ATL2: variants seen among roughly 807,000 people sequenced by gnomAD.
ATL2 encodes atlastin-2.
In ATL2, 31 loss-of-function variants were observed where a neutral mutation model predicts 73.9. That is an observed-to-expected ratio of 0.42 (90% confidence interval 0.32 to 0.57). The LOEUF (loss-of-function observed/expected upper bound fraction) is 0.57, where lower values mean the gene tolerates loss of function less well. ATL2 is among the 20% of genes least tolerant of loss of function. The pLI is 0.14. For missense variants in ATL2, 738 were observed against 702.6 expected, an observed-to-expected ratio of 1.05 and a Z score of -0.57; for synonymous variants, 291 against 237.5, an observed-to-expected ratio of 1.23 and a Z score of -2.07.
intron 9 of ATL2, among the ~76,000 whole-genome samples, 153 bp downstream of exon 9, chr2:38,309,226 A>C (rs1230069835): frequency 6.6e-6 from 1 of 152,176 alleles, no homozygotes; most frequent in African/African-American, 2.4e-5. Context: ...ATATCCTTAA[A>C]TACAGATACA....
intron 2 of ATL2, among the ~76,000 whole-genome samples, chr2:38,324,229 G>C (rs1258132495): frequency 5.9e-5 from 9 of 152,190 alleles, no homozygotes; most frequent in Admixed American, 5.9e-4. Flanking sequence ...GATGAGCCAA[G>C]ATCGCGCCAT....
At chr2:38,376,799 G>A (rs967209249) in intron 1 of ATL2, among the ~76,000 whole-genome samples, 64 of 151,810 alleles carry the variant, frequency 4.2e-4, no homozygotes, top group African/African-American at 1.5e-3. Context: ...CGCGCCCCGG[G>A]CAGGCGGCCA....
chr2:38,299,817 A>C (rs878904967), intron 10 of ATL2, among the ~76,000 whole-genome samples: 2 of 152,248 alleles, frequency 1.3e-5, no homozygotes, highest in Non-Finnish European at 1.5e-5. Flanking sequence ...GGGTAAAATG[A>C]CACTGTCCCA....
Position 38,377,222 on chromosome 2 carries a change from C to G in ATL2, c.39G>C (p.Pro13=). ...EGDEAARGQQ[P]HQGLWRRRRT... ...GTCGCCGGCGCCACAGCCCCTGGTG[C>G]GGTTGCTGCCCTCGCGCTGCCTCGT... The change falls in exon 1 of 13, where the codon CCG becomes CCC. Residue 13 remains proline, a synonymous_variant. Coordinates refer to ENST00000378954, the MANE Select transcript of ATL2 (RefSeq NM_001135673.4). 1 of 1,606,110 alleles carries G rather than the reference C, an allele frequency of 6.2e-7. No individual in the cohort carries two copies. The highest frequency in any genetic ancestry group is 8.5e-7 in the Non-Finnish European group (1 of 1,177,124).
chr2:38,322,099 A>C (rs1449877563), intron 2 of ATL2, among the ~76,000 whole-genome samples: 4 of 152,104 alleles, frequency 2.6e-5, no homozygotes, highest in Non-Finnish European at 5.9e-5. Context: ...AAAGGCTACA[A>C]ACAATCATCT....
At chr2:38,323,717 GAGAC>G (rs1045936356) in intron 2 of ATL2, among the ~76,000 whole-genome samples, 5 of 152,058 alleles carry the variant, frequency 3.3e-5, no homozygotes, top group Admixed American at 1.3e-4. Flanking sequence ...GAAAGAAAAC[GAGAC>G]AGACAGACAC....
At chr2:38,348,732 G>A (rs1266460080) in intron 1 of ATL2, among the ~76,000 whole-genome samples, 1 of 151,204 alleles carries the variant, frequency 6.6e-6, no homozygotes, top group Non-Finnish European at 1.5e-5. Context: ...AGAGTGAACA[G>A]GCAACCTACA....
At chr2:38,341,453 A>G (rs923966530) in intron 2 of ATL2, among the ~76,000 whole-genome samples, 1 of 152,134 alleles carries the variant, frequency 6.6e-6, no homozygotes, top group African/African-American at 2.4e-5. Context: ...CCTGGACAAC[A>G]TAGTGAGAAC....
chr2:38,375,797 T>C (rs1671927319), intron 1 of ATL2, among the ~76,000 whole-genome samples: 1 of 152,230 alleles, frequency 6.6e-6, no homozygotes, highest in African/African-American at 2.4e-5. Context: ...AGTTTTTTAT[T>C]CTACAGAGTG....
At chr2:38,372,306 G>A (rs1671736641) in intron 1 of ATL2, among the ~76,000 whole-genome samples, 1 of 151,998 alleles carries the variant, frequency 6.6e-6, no homozygotes, top group African/African-American at 2.4e-5. Context: ...TACTGAACAT[G>A]TACAATTTTT....
At chr2:38,368,581 C>T (rs1382296755) in intron 1 of ATL2, among the ~76,000 whole-genome samples, 3 of 152,158 alleles carry the variant, frequency 2.0e-5, no homozygotes, top group Non-Finnish European at 2.9e-5. Flanking sequence ...ACTCCAATAG[C>T]ATGCCTAAAG....
At chr2:38,331,756 TC>T (rs1180986814) in intron 2 of ATL2, among the ~76,000 whole-genome samples, 1 of 152,006 alleles carries the variant, frequency 6.6e-6, no homozygotes, top group Non-Finnish European at 1.5e-5. Flanking sequence ...GAAAAGTCTT[TC>T]CAAAAATGGT....
chr2:38,318,411 A>G, intron 4 of ATL2, 124 bp downstream of exon 4: 1 of 592,772 alleles, frequency 1.7e-6, no homozygotes, highest in Non-Finnish European at 2.8e-6. Context: ...GGTTGCAGTG[A>G]GCCGAGATCA....
intron 9 of ATL2, among the ~76,000 whole-genome samples, chr2:38,303,208 TTTA>T (rs1308479403): frequency 6.6e-6 from 1 of 152,068 alleles, no homozygotes; most frequent in South Asian, 2.1e-4. Flanking sequence ...AAACCTCTTT[TTTA>T]TTTTATTTTT....
chr2:38,351,718 G>C (rs116239238), intron 1 of ATL2, among the ~76,000 whole-genome samples: 18,305 of 151,850 alleles, frequency 0.12, 3,253 homozygotes, highest in African/African-American at 0.39. Context: ...GTCTCAGACT[G>C]CTGACCTCAG....
intron 2 of ATL2, among the ~76,000 whole-genome samples, chr2:38,323,349 G>GTTTT (rs1229668962): frequency 2.0e-4 from 15 of 75,244 alleles, no homozygotes; most frequent in South Asian, 5.8e-4. Context: ...ATCACCAGAA[G>GTTTT]TTTTTTTTTT....
chr2:38,348,571 C>T (rs914554776), intron 1 of ATL2, among the ~76,000 whole-genome samples: 1 of 151,300 alleles, frequency 6.6e-6, no homozygotes, highest in African/African-American at 2.4e-5. Context: ...GGTGATTTTG[C>T]TAAAACAAAC....
intron 9 of ATL2, among the ~76,000 whole-genome samples, chr2:38,305,342 G>A: frequency 6.6e-6 from 1 of 152,192 alleles, no homozygotes. Flanking sequence ...GACGTCAGGA[G>A]TTTGAGACCA....
chr2:38,325,711 C>T (rs1668603438), intron 2 of ATL2, among the ~76,000 whole-genome samples: 3 of 102,660 alleles, frequency 2.9e-5, no homozygotes, highest in Admixed American at 9.1e-5. Context: ...CACACACACA[C>T]ACACACACAC....
Sources: gnomAD v4.1 joint callset for allele counts (sites outside exome capture counted in the v4.1 genomes callset) on GRCh38, gnomAD v4.1.1 for gene constraint, MANE v1.5 for transcripts, NCBI Gene and HGNC (gene_info 2026-07-23, HGNC 2026-07-21) for gene names.